Variants in MEGF6 observed in about 807,000 individuals in gnomAD.
MEGF6 encodes multiple epidermal growth factor-like domains protein 6.
In MEGF6, 184 loss-of-function variants were observed where a neutral mutation model predicts 207.1. That is an observed-to-expected ratio of 0.89 (90% CI 0.79 to 1.00). The LOEUF (loss-of-function observed/expected upper bound fraction) is 1.00, where lower values mean the gene tolerates loss of function less well. MEGF6 is among the 50% of genes least tolerant of loss of function. MEGF6 has a pLI of 0.00. For synonymous variants in MEGF6, 1,038 were observed against 910.0 expected (o/e 1.14, Z -2.53); for missense variants, 2,282 against 2,202.9 (o/e 1.04, Z -0.72).
At chr1:3,616,008 G>GTCTCAT (rs1644375779), upstream of MEGF6, among the ~76,000 whole-genome samples, 2 of 152,296 alleles carry the variant, frequency 1.3e-5, no homozygotes, top group South Asian at 4.1e-4. Flanking sequence ...CCATGTTTTT[G>GTCTCAT]TCTCATTCTC....
chr1:3,510,646 C>G, intron 10 of MEGF6, 137 bp downstream of exon 10: 2 of 1,266,810 alleles, frequency 1.6e-6, no homozygotes, highest in Non-Finnish European at 2.1e-6. Flanking sequence ...CAACCAACAC[C>G]CACAGCCCCA....
intron 4 of MEGF6, among the ~76,000 whole-genome samples, chr1:3,543,354 G>A (rs757666013): frequency 3.9e-5 from 6 of 152,222 alleles, no homozygotes; most frequent in Non-Finnish European, 7.3e-5. Flanking sequence ...TGAGCAGCCC[G>A]AACCCTGCGT....
chr1:3,493,888 C>T lies in MEGF6; in HGVS notation c.4270G>A (p.Gly1424Ser), dbSNP rs1249299867. Residue 1424 changes from glycine to serine, a missense_variant, in exon 34 of 37, where the codon GGT becomes AGT. Coordinates refer to ENST00000356575, the MANE Select transcript of MEGF6 (RefSeq NM_001409.4). ...GHFCERGCEP[G>S]SFGEGCHQRC... The stretch of plus-strand genomic sequence containing the variant: ...TGGTGGCAGCCCTCTCCAAATGAAC[C>T]TGGCTCACACCCTGGTGGGGGCAGT... 4 of 1,591,806 alleles carry T rather than the reference C, an allele frequency of 2.5e-6. No individual in the cohort carries two copies. Among genetic ancestry groups the T allele is most frequent in the Non-Finnish European group, 3.4e-6 (4 of 1,169,850 alleles).
At chr1:3,493,113 C>A in intron 34 of MEGF6, 1 of 328,450 alleles carries the variant, frequency 3.0e-6, no homozygotes, top group Non-Finnish European at 5.7e-6. Context: ...CTGAGAGCCA[C>A]AAGGCCAGGT....
chr1:3,567,007 C>T (rs1026543799), intron 4 of MEGF6, among the ~76,000 whole-genome samples: 1 of 152,246 alleles, frequency 6.6e-6, no homozygotes, highest in African/African-American at 2.4e-5. Context: ...TGAGGCCGTC[C>T]TGGCCAGGTG....
At chr1:3,509,813 G>A in intron 11 of MEGF6, 57 bp downstream of exon 11, 2 of 1,495,504 alleles carry the variant, frequency 1.3e-6, no homozygotes, top group Non-Finnish European at 1.8e-6. Flanking sequence ...CGCAGGGTCA[G>A]CTGGGGCAAA....
intron 1 of MEGF6, among the ~76,000 whole-genome samples, chr1:3,606,779 A>G (rs1424982087): frequency 6.6e-6 from 1 of 152,156 alleles, no homozygotes; most frequent in East Asian, 1.9e-4. Context: ...TGCCATAAAA[A>G]AACGGAAGCC....
intron 4 of MEGF6, among the ~76,000 whole-genome samples, chr1:3,554,233 G>A (rs1011415346): frequency 1.3e-5 from 2 of 152,172 alleles, no homozygotes; most frequent in African/African-American, 2.4e-5. Flanking sequence ...AGGAGGAGAC[G>A]GTGAGGACTC....
At chr1:3,550,520 T>C (rs6693174) in intron 4 of MEGF6, among the ~76,000 whole-genome samples, 6,843 of 152,328 alleles carry the variant, frequency 0.045, 215 homozygotes, top group Middle Eastern at 0.075. Context: ...GGTTATTTTA[T>C]GCAATGTGAA....
chr1:3,499,407 C>T, intron 23 of MEGF6, 141 bp from the exon 24 acceptor site: 5 of 1,404,240 alleles, frequency 3.6e-6, no homozygotes. Flanking sequence ...CTCAGGCCAC[C>T]CACTCAGCAG....
At chr1:3,516,084 C>T (rs369128845) in intron 5 of MEGF6, among the ~76,000 whole-genome samples, 10 of 152,360 alleles carry the variant, frequency 6.6e-5, no homozygotes, top group Admixed American at 2.6e-4. Flanking sequence ...CTCCTACCCA[C>T]CCCAGGCCAG....
At position 3,511,643 on chromosome 1, in the gene MEGF6, C is replaced by T. The variant is rs754996501; in HGVS notation, c.1021G>A (p.Gly341Ser). 3.5e-5 allele frequency: 56 copies of T among 1,612,102 alleles called. No homozygotes were observed. Among genetic ancestry groups the T allele is most frequent in the East Asian group, 4.5e-5 (2 of 44,862 alleles). The change falls in exon 9 of 37, where the codon GGC (glycine) becomes AGC (serine). Residue 341 changes from glycine to serine, a missense_variant. Coordinates refer to ENST00000356575, the MANE Select transcript of MEGF6 (RefSeq NM_001409.4). Reference protein sequence around the residue: ...IVNSCEANNGGCSHGCSHTSA... With the variant: ...IVNSCEANNGSCSHGCSHTSA... ...GTGTGGCTGCAGCCATGGGAGCAGC[C>T]GCCGTTGTTGGCCTCACAGCTGTTC...
Position 3,577,897 on chromosome 1 carries a change from C to T in MEGF6, c.481+1928G>A, listed in dbSNP as rs141493141. On this transcript the variant is annotated intron_variant, in intron 4 of 36. Coordinates refer to ENST00000356575, the MANE Select transcript of MEGF6 (RefSeq NM_001409.4). ...CCCCACGCTGGACACTGAGCCTCCA[C>T]GAGACGCCGAGTTCCCCCACAGGGT... Among the ~76,000 whole-genome samples the T allele has an allele frequency of 8.7e-3, 1,324 of 152,342 alleles. 14 individuals carry two copies. The highest frequency in any genetic ancestry group is 0.03 in the African/African-American group (1,229 of 41,588).
At position 3,506,260 on chromosome 1, in the gene MEGF6, G is replaced by A. The variant is rs757173348; in HGVS notation, c.1790-24C>T. The A allele has an allele frequency of 1.1e-5, 17 of 1,603,744 alleles. No homozygotes were observed. The South Asian group carries it at 1.3e-4, about 13-fold the overall frequency. On this transcript the variant is annotated intron_variant, in intron 14 of 36. Coordinates refer to ENST00000356575, the MANE Select transcript of MEGF6 (RefSeq NM_001409.4). ...GCCTGGGGGCAGCGGGGCTCCATGT[G>A]AACCTTGGTGGCAGCCAGCCTACCA...
At chr1:3,602,179 C>T (rs7514061) in intron 2 of MEGF6, among the ~76,000 whole-genome samples, 73,896 of 151,420 alleles carry the variant, frequency 0.49, 19,265 homozygotes, top group Non-Finnish European at 0.6. Context: ...CCCCTTCCTG[C>T]GTGGCCAGCA....
In MEGF6 at chr1:3,492,633, G is replaced by A; in HGVS notation, c.4516+6C>T. On this transcript the variant is annotated splice_donor_region_variant and intron_variant, in intron 35 of 36. Transcript: ENST00000356575. ...TTCCCGCCCTTCCCCAGGAAGCCCA[G>A]CTCACCTTCCCGGCACGTGGGCCCC... The A allele has an allele frequency of 6.2e-7, 1 of 1,604,446 alleles. No individual in the cohort carries two copies. The highest frequency in any genetic ancestry group is 8.5e-7 in the Non-Finnish European group (1 of 1,173,018).
At chr1:3,495,681 G>T (rs765256909) in intron 30 of MEGF6, among the ~76,000 whole-genome samples, 1 of 152,202 alleles carries the variant, frequency 6.6e-6, no homozygotes, top group Non-Finnish European at 1.5e-5. Context: ...GGCTGGGGTG[G>T]CATGGGACGG....
At chr1:3,541,595 G>C (rs1336420901) in intron 4 of MEGF6, among the ~76,000 whole-genome samples, 2 of 152,170 alleles carry the variant, frequency 1.3e-5, no homozygotes, top group African/African-American at 4.8e-5. Flanking sequence ...CCGCGGGAGA[G>C]GCACAGCTGG....
At chr1:3,500,033 G>A (rs1640789786) in intron 21 of MEGF6, 109 bp from the exon 22 acceptor site, 12 of 1,410,770 alleles carry the variant, frequency 8.5e-6, no homozygotes, top group South Asian at 4.5e-5. Context: ...CCTGGCTCAT[G>A]AGAAGCCCCT....
Sources: allele counts gnomAD v4.1 joint callset (sites outside exome capture counted in the v4.1 genomes callset), GRCh38; gene constraint gnomAD v4.1.1; transcripts MANE v1.5; gene names NCBI Gene and HGNC (gene_info 2026-07-23, HGNC 2026-07-21).